The following HNRNPH1 variants were observed in gnomAD, a reference collection of about 807,000 sequenced individuals.
HNRNPH1 encodes the protein heterogeneous nuclear ribonucleoprotein H1, also known as heterogeneous nuclear ribonucleoprotein H.
Under a neutral mutation model 58.6 loss-of-function variants are expected in HNRNPH1, and 4 were observed. The observed-to-expected ratio is 0.07, with a 90% CI of 0.03 to 0.16. The LOEUF is 0.16. HNRNPH1 is among the 10% of genes least tolerant of loss of function. The pLI is 1.00. For missense variants in HNRNPH1, 271 were observed against 564.2 expected (o/e 0.48, Z 5.26); for synonymous variants, 192 against 189.2 (o/e 1.01, Z -0.12).
intron 11 of HNRNPH1, 102 bp downstream of exon 12, chr5:179,616,024 A>ACT: frequency 9.7e-7 from 1 of 1,032,728 alleles, no homozygotes. Flanking sequence ...CCTGCGACTT[A>ACT]CTCTAAGTAC....
intron 12 of HNRNPH1, chr5:179,615,327 A>G: frequency 2.1e-6 from 1 of 476,744 alleles, no homozygotes; most frequent in Non-Finnish European, 3.8e-6. Flanking sequence ...GTGTCCCTCG[A>G]ATGGCATTTG....
chr5:179,621,679 CTT>C (rs1287226327), intron 1 of HNRNPH1: 13 of 451,404 alleles, frequency 2.9e-5, no homozygotes, highest in Non-Finnish European at 5.2e-5. Flanking sequence ...CATCACACAT[CTT>C]TTATCAATTT....
intron 3 of HNRNPH1, chr5:179,620,595 G>A: frequency 3.4e-6 from 1 of 297,586 alleles, no homozygotes; most frequent in South Asian, 5.2e-5. Context: ...TTAACTTGAG[G>A]TACTTAGCTG....
At chr5:179,625,659 CAAAAAAA>C (rs372265224), upstream of HNRNPH1, among the ~76,000 whole-genome samples, 1 of 105,918 alleles carries the variant, frequency 9.4e-6, no homozygotes, top group Non-Finnish European at 1.9e-5. Flanking sequence ...AACTCCGTCT[CAAAAAAA>C]AAAAAAAAAA....
At chr5:179,618,413 C>A in intron 4 of HNRNPH1, 90 bp from the exon 6 acceptor site, 1 of 865,864 alleles carries the variant, frequency 1.2e-6, no homozygotes. Context: ...AGAAAACAAT[C>A]TAGTCATAGC....
chr5:179,619,235 A>T (rs1189427368), intron 4 of HNRNPH1, 34 bp downstream of exon 5: 4 of 1,553,812 alleles, frequency 2.6e-6, no homozygotes, highest in Non-Finnish European at 3.5e-6. Context: ...TACCATAAGA[A>T]AAGTGACATA....
In HNRNPH1 at chr5:179,633,697, C is replaced by G. The variant is rs181274804; in HGVS notation, c.-32+368G>C. Among the ~76,000 whole-genome samples the G allele has an allele frequency of 5.6e-3, 854 of 152,136 alleles. 8 individuals are homozygous for G. The highest frequency in any genetic ancestry group is 0.02 in the African/African-American group (832 of 41,520). ...TGGGAGGCCGAGGTGGGCAGATTGC[C>G]TAAGCTCAGTAGTTTGAGACCAGCC... is the stretch of plus-strand genomic sequence containing the variant. On this transcript the variant is annotated intron_variant, in intron 2 of 4. Transcript: ENST00000521116.
At chr5:179,629,296 CA>C (rs375223570), upstream of HNRNPH1, 112 of 138,518 alleles carry the variant, frequency 8.1e-4, no homozygotes, top group East Asian at 6.8e-3. Flanking sequence ...GACTCCGTCT[CA>C]AAAAAAAAAA....
At chr5:179,615,220 AG>A in intron 12 of HNRNPH1, 1 of 437,014 alleles carries the variant, frequency 2.3e-6, no homozygotes, top group Non-Finnish European at 4.1e-6. Context: ...TTAAGTTTAA[AG>A]GAAAACTAGT....
At chr5:179,615,451 G>A in intron 12 of HNRNPH1, 95 bp downstream of exon 13, 2 of 656,056 alleles carry the variant, frequency 3.0e-6, no homozygotes, top group Non-Finnish European at 5.3e-6. Context: ...AGCCTCCATG[G>A]AGTTAAGTCA....
At position 179,618,129 on chromosome 5, in the gene HNRNPH1, A is replaced by G; in HGVS notation, c.715+16T>C. The G allele has an allele frequency of 6.2e-7, 1 of 1,613,558 alleles. No individual in the cohort carries two copies. Among genetic ancestry groups the G allele is most frequent in the Non-Finnish European group, 8.5e-7 (1 of 1,179,690 alleles). ...AGGAACAGACGACTTGCCGAACCTTACGAATCCTCACGTACCTCCACCATA... is the reference window on the plus strand; with the variant it reads ...AGGAACAGACGACTTGCCGAACCTTGCGAATCCTCACGTACCTCCACCATA... On this transcript the variant is annotated intron_variant, in intron 5 of 12. Coordinates refer to ENST00000356731, the Ensembl canonical transcript of HNRNPH1.
chr5:179,615,385 G>T, intron 12 of HNRNPH1, 161 bp downstream of exon 13: 1 of 512,354 alleles, frequency 2.0e-6, no homozygotes, highest in Non-Finnish European at 3.5e-6. Context: ...ATTCATGGTG[G>T]GCAGGAAGTG....
chr5:179,617,406 T>A, intron 8 of HNRNPH1, 108 bp downstream of exon 9: 2 of 1,279,054 alleles, frequency 1.6e-6, no homozygotes, highest in East Asian at 4.6e-5. Flanking sequence ...AATTAATCTA[T>A]TACTGGAGAG....
intron 1 of HNRNPH1, among the ~76,000 whole-genome samples, chr5:179,622,328 G>A (rs4563584): frequency 0.27 from 40,586 of 152,188 alleles, 6,776 homozygotes; most frequent in East Asian, 0.68. Context: ...TCAAGATATT[G>A]CAAAACATTA....
intron 5 of HNRNPH1, 31 bp downstream of exon 6, chr5:179,618,114 G>A (rs778196414): frequency 1.8e-5 from 29 of 1,613,168 alleles, no homozygotes; most frequent in Admixed American, 5.0e-5. Flanking sequence ...AGGAACAGAC[G>A]ACTTGCCGAA....
At chr5:179,621,511 T>A in intron 1 of HNRNPH1, 114 bp from the exon 3 acceptor site, 1 of 837,666 alleles carries the variant, frequency 1.2e-6, no homozygotes, top group Non-Finnish European at 1.9e-6. Flanking sequence ...TTGTGAAGCC[T>A]ATATATACTG....
At chr5:179,618,522 G>GAAAAA in intron 4 of HNRNPH1, 199 bp from the exon 6 acceptor site, 1 of 288,520 alleles carries the variant, frequency 3.5e-6, no homozygotes, top group Non-Finnish European at 6.2e-6. Flanking sequence ...AAACTTTATA[G>GAAAAA]AAAAAAAAAA....
At chr5:179,627,361 T>C (rs1581764941), upstream of HNRNPH1, among the ~76,000 whole-genome samples, 1 of 151,810 alleles carries the variant, frequency 6.6e-6, no homozygotes, top group East Asian at 1.9e-4. Flanking sequence ...CCGACTAATT[T>C]TTTTTTTTTT....
At chr5:179,629,104 T>A (rs577711935), upstream of HNRNPH1, 6 of 146,770 alleles carry the variant, frequency 4.1e-5, no homozygotes, top group African/African-American at 7.7e-5. Context: ...GAGACCATCC[T>A]GGATAACACA....
Sources: allele counts gnomAD v4.1 joint callset (sites outside exome capture counted in the v4.1 genomes callset), GRCh38; gene constraint gnomAD v4.1.1; transcripts MANE v1.5; gene names NCBI Gene and HGNC (gene_info 2026-07-23, HGNC 2026-07-21).